The following ITPR3 variants were observed in gnomAD, a reference collection of about 807,000 sequenced individuals.
The protein encoded by ITPR3 is inositol 1,4,5-trisphosphate-gated calcium channel ITPR3.
A neutral mutation model predicts 293.2 loss-of-function variants in ITPR3; 173 were observed. The ratio of observed to expected loss-of-function variants is 0.59; its 90% CI spans 0.52 to 0.67. ITPR3 has a LOEUF of 0.67. ITPR3 is among the 30% of genes least tolerant of loss of function. The pLI is 0.00. For missense variants in ITPR3, 2,796 were observed against 3,592.1 expected, an observed-to-expected ratio of 0.78 and a Z score of 5.66; for synonymous variants, 1,295 against 1,444.4, an observed-to-expected ratio of 0.90 and a Z score of 2.35.
At chr6:33,656,443 G>A (rs1764307596) in intron 3 of ITPR3, among the ~76,000 whole-genome samples, 1 of 152,180 alleles carries the variant, frequency 6.6e-6, no homozygotes, top group Non-Finnish European at 1.5e-5. Context: ...GGGAGCCCTG[G>A]ATCTAGTCTT....
At chr6:33,622,154 C>T (rs1763453018) in intron 1 of ITPR3, among the ~76,000 whole-genome samples, 1 of 152,116 alleles carries the variant, frequency 6.6e-6, no homozygotes, top group African/African-American at 2.4e-5. Flanking sequence ...AGGGGTCGCA[C>T]CTTCTCCTCA....
At chr6:33,668,224 C>A (rs1401777699) in intron 16 of ITPR3, among the ~76,000 whole-genome samples, 1 of 152,240 alleles carries the variant, frequency 6.6e-6, no homozygotes, top group Non-Finnish European at 1.5e-5. Context: ...GTGACAAAGT[C>A]AGAACCTGTA....
rs766018174 is a variant in ITPR3 at position 33,671,240 on chromosome 6, C to T, written c.2662C>T (p.Leu888=). The part of the protein sequence containing the change: ...FSELLRLTRT[L]LGIIDCVQGP... ...CGAGCTGCTGCGGCTCACTCGCACACTGCTGGGCATCATCGACTGTGTGCA... is the reference window on the plus strand; with the variant it reads ...CGAGCTGCTGCGGCTCACTCGCACATTGCTGGGCATCATCGACTGTGTGCA... The change falls in exon 21 of 58, where the codon CTG becomes TTG. Residue 888 remains leucine, a synonymous_variant. Transcript: ENST00000605930. 1.9e-6 allele frequency: 3 copies of T among 1,613,728 alleles called. No individual in the cohort carries two copies. Among genetic ancestry groups the T allele is most frequent in the East Asian group, 4.5e-5 (2 of 44,868 alleles).
Position 33,675,628 on chromosome 6 carries a change from C to G in ITPR3, c.3117-63C>G. The G allele has an allele frequency of 1.3e-6, 2 of 1,507,590 alleles. No homozygotes were observed. Among genetic ancestry groups the G allele is most frequent in the South Asian group, 1.3e-5 (1 of 75,336 alleles). 93.4% of individuals were successfully genotyped at this position (1,507,590 alleles called of 1,614,324 possible). The stretch of plus-strand genomic sequence containing the variant: ...GTGTGCTTGTGCCAGGGCCCCTTAC[C>G]CACCACGGACAGCAGGGAGTGTGCC... On this transcript the variant is annotated intron_variant, in intron 24 of 57. Coordinates refer to ENST00000605930, the MANE Select transcript of ITPR3 (RefSeq NM_002224.4). This position sits in a 1 kb window ranked among gnomAD's most constrained non-coding sequence, Gnocchi z 5.0.
In ITPR3 at chr6:33,683,380, A is replaced by G; in HGVS notation, c.4771A>G (p.Ile1591Val). 1 of 1,577,860 alleles carries G rather than the reference A, an allele frequency of 6.3e-7. No homozygotes were observed. Among genetic ancestry groups the G allele is most frequent in the Non-Finnish European group, 8.6e-7 (1 of 1,159,276 alleles). The change falls in exon 35 of 58, where the codon ATC (isoleucine) becomes GTC (valine). Residue 1591 changes from isoleucine (I) to valine (V), a missense_variant. Physicochemically the swap from Ile to Val is conservative, Grantham distance 29. Around this residue, in one of 8 missense-constraint regions of ITPR3, gnomAD observed 704 missense variants for 797.5 expected, o/e 0.88. Coordinates refer to ENST00000605930, the MANE Select transcript of ITPR3 (RefSeq NM_002224.4). This position sits in a 1 kb window ranked among gnomAD's most constrained non-coding sequence, Gnocchi z 4.5. ...CGCCAACCAGTGGGACTACAAGAAC[A>G]TCATTGAGAAGCTGCAGGTGGGTGT... is the stretch of plus-strand genomic sequence containing the variant. ...PTANQWDYKNIIEKLQDIITA... is the reference protein window; with the variant it reads ...PTANQWDYKNVIEKLQDIITA...
At chr6:33,689,734 T>C (rs920789365) in intron 50 of ITPR3, among the ~76,000 whole-genome samples, 4 of 152,224 alleles carry the variant, frequency 2.6e-5, no homozygotes, top group Admixed American at 2.0e-4. Flanking sequence ...TCATACATAA[T>C]GACAATCTCC....
Position 33,682,396 on chromosome 6 carries a change from C to G in ITPR3, c.4477-128C>G. On this transcript the variant is annotated intron_variant, in intron 33 of 57. Coordinates refer to ENST00000605930, the MANE Select transcript of ITPR3 (RefSeq NM_002224.4). This position sits in a 1 kb window ranked among gnomAD's most constrained non-coding sequence, Gnocchi z 5.4. ...TACCTTTTTCCAACTGGCACAGAGG[C>G]ACATGGTGGCTAGTGAAGGCTCCGT... 2 of 1,085,914 alleles carry G rather than the reference C, an allele frequency of 1.8e-6. No individual in the cohort carries two copies. Among genetic ancestry groups the G allele is most frequent in the Non-Finnish European group, 2.6e-6 (2 of 780,010 alleles). 67.3% of individuals were successfully genotyped at this position (1,085,914 alleles called of 1,614,324 possible).
rs376122914 is a variant in ITPR3 at position 33,670,642 on chromosome 6, C to T, written c.2442-29C>T. The T allele has an allele frequency of 6.2e-7, 1 of 1,613,464 alleles. No individual in the cohort carries two copies. The highest frequency in any genetic ancestry group is 1.3e-5 in the African/African-American group (1 of 74,882). Reference sequence around the variant, plus strand: ...GGCTGGAGTGGGTGTATCTCGGGGACCTTCATGCCTCATGGCCTCCACCCT... The same window carrying T: ...GGCTGGAGTGGGTGTATCTCGGGGATCTTCATGCCTCATGGCCTCCACCCT... On this transcript the variant is annotated intron_variant, in intron 19 of 57. Coordinates refer to ENST00000605930, the MANE Select transcript of ITPR3 (RefSeq NM_002224.4). The surrounding 1 kb of genome is among the most constrained non-coding windows in gnomAD (Gnocchi z 6.7).
chr6:33,670,288 C>T lies in ITPR3; in HGVS notation c.2190-37C>T. The T allele has an allele frequency of 6.2e-7, 1 of 1,611,830 alleles. No individual in the cohort carries two copies. The highest frequency in any genetic ancestry group is 1.1e-5 in the South Asian group (1 of 90,998). Reference sequence around the variant, plus strand: ...CCAGTGCCAGCAGCCTCCCGGCTGCCATCTGCCGTGTCCTCACAGTCCTCC... The same window carrying T: ...CCAGTGCCAGCAGCCTCCCGGCTGCTATCTGCCGTGTCCTCACAGTCCTCC... On this transcript the variant is annotated intron_variant, in intron 18 of 57. Coordinates refer to ENST00000605930, the MANE Select transcript of ITPR3 (RefSeq NM_002224.4). The surrounding 1 kb of genome is among the most constrained non-coding windows in gnomAD (Gnocchi z 6.7).
chr6:33,690,905 C>T lies in ITPR3; in HGVS notation c.7033-12C>T, dbSNP rs773151955. ...CTCAAGGTGCCATCCCTATCTCAAC[C>T]CCATCCTGCAGCTCTTTGACCTCAT... On this transcript the variant is annotated splice_polypyrimidine_tract_variant and intron_variant, in intron 51 of 57. Transcript: ENST00000605930. 3 of 1,612,710 alleles carry T rather than the reference C, an allele frequency of 1.9e-6. No homozygotes were observed. Among genetic ancestry groups the T allele is most frequent in the Non-Finnish European group, 1.7e-6 (2 of 1,179,028 alleles).
rs368723045 is a variant in ITPR3 at position 33,687,309 on chromosome 6, C to T, written c.6159C>T (p.Ile2053=). ...GCCCACGTGAAGTGGGCCATAACAT[C>T]TATATCCTGGCGCTGCAGGTACCAG... The part of the protein sequence containing the change: ...EVSPREVGHN[I]YILALQLSRH... Residue 2053 remains isoleucine, a synonymous_variant, in exon 45 of 58, where the codon ATC becomes ATT. Coordinates refer to ENST00000605930, the MANE Select transcript of ITPR3 (RefSeq NM_002224.4). The surrounding 1 kb of genome is among the most constrained non-coding windows in gnomAD (Gnocchi z 5.3). 1.9e-4 allele frequency: 299 copies of T among 1,611,372 alleles called. No homozygotes were observed. Among genetic ancestry groups the T allele is most frequent in the Middle Eastern group, 1.5e-3 (9 of 6,052 alleles).
chr6:33,647,386 A>G (rs1764093270), intron 2 of ITPR3, among the ~76,000 whole-genome samples: 1 of 152,162 alleles, frequency 6.6e-6, no homozygotes, highest in Admixed American at 6.5e-5. Context: ...CATCTTAACC[A>G]TCGTTAAGCA....
chr6:33,690,374 CCT>C (rs1765358238), intron 51 of ITPR3, among the ~76,000 whole-genome samples, 176 bp downstream of exon 51: 1 of 152,134 alleles, frequency 6.6e-6, no homozygotes, highest in African/African-American at 2.4e-5. Context: ...CCCTCAAGGC[CCT>C]GATGGCCACT....
rs367732187 is a variant in ITPR3 at position 33,659,129 on chromosome 6, T to TG, written c.627+16dup. 8.2e-6 allele frequency: 13 copies of TG among 1,589,732 alleles called. No homozygotes were observed. Among genetic ancestry groups the TG allele is most frequent in the South Asian group, 1.1e-5 (1 of 90,484 alleles). Reference sequence around the variant, plus strand: ...CGCCGGCTGCAAGGAGGTGAGGGGGTGGGGGGTCAGCCATGCAGTGCAGGG... The same window carrying TG: ...CGCCGGCTGCAAGGAGGTGAGGGGGTGGGGGGGTCAGCCATGCAGTGCAGGG... On this transcript the variant is annotated intron_variant, in intron 6 of 57. Coordinates refer to ENST00000605930, the MANE Select transcript of ITPR3 (RefSeq NM_002224.4).
chr6:33,672,185 T>C lies in ITPR3; in HGVS notation c.2885T>C (p.Ile962Thr). Residue 962 changes from isoleucine to threonine, a missense_variant, in exon 22 of 58, where the codon ATT (isoleucine) becomes ACT (threonine). This residue lies in a region of ITPR3 where 955 missense variants were observed against 1,180.8 expected (regional missense o/e 0.81). Transcript: ENST00000605930. The surrounding 1 kb of genome is among the most constrained non-coding windows in gnomAD (Gnocchi z 5.0). The stretch of plus-strand genomic sequence containing the variant: ...AGCAAGTTTGAGGAGAATGAGGACA[T>C]TGTGGTGATGGAGACCAAGCTGAAG... ...DRSKFEENED[I>T]VVMETKLKIL... 6.2e-7 allele frequency: 1 copy of C among 1,613,864 alleles called. No homozygotes were observed. Among genetic ancestry groups the C allele is most frequent in the Non-Finnish European group, 8.5e-7 (1 of 1,179,954 alleles).
intron 1 of ITPR3, among the ~76,000 whole-genome samples, chr6:33,625,292 C>A (rs553065544): frequency 6.6e-6 from 1 of 151,614 alleles, no homozygotes; most frequent in Non-Finnish European, 1.5e-5. Flanking sequence ...TACAATGGGG[C>A]GATCTTAGTT....
In ITPR3 at chr6:33,692,637, A is replaced by G. The variant is rs1010956339; in HGVS notation, c.7459-91A>G. The G allele has an allele frequency of 1.9e-5, 26 of 1,333,822 alleles. No individual in the cohort carries two copies. Among genetic ancestry groups the G allele is most frequent in the Middle Eastern group, 4.8e-4 (2 of 4,190 alleles). 82.6% of individuals were successfully genotyped at this position (1,333,822 alleles called of 1,614,324 possible). A position where few individuals can be genotyped will look rare whatever the true frequency, so the allele number is the denominator to read the frequency against. On this transcript the variant is annotated intron_variant, in intron 54 of 57. Coordinates refer to ENST00000605930, the MANE Select transcript of ITPR3 (RefSeq NM_002224.4). This position sits in a 1 kb window ranked among gnomAD's most constrained non-coding sequence, Gnocchi z 4.2. ...CCTTCTGCTAGGGGCTGGGTCCTCA[A>G]TATCACAGCCCTGGCCCCAACCTGA... is the stretch of plus-strand genomic sequence containing the variant.
intron 30 of ITPR3, 127 bp downstream of exon 30, chr6:33,678,966 C>A: frequency 1.1e-6 from 1 of 943,948 alleles, no homozygotes; most frequent in Non-Finnish European, 1.6e-6. Context: ...AGCTGCTGAC[C>A]ATGGAGGGGA....
intron 39 of ITPR3, 110 bp downstream of exon 39, chr6:33,685,053 G>C (rs766738507): frequency 6.3e-6 from 8 of 1,273,582 alleles, no homozygotes; most frequent in Non-Finnish European, 7.6e-6. Flanking sequence ...AAAGAGGAGA[G>C]GCCTGAGCAG....
Sources: gnomAD v4.1 joint callset for allele counts (sites outside exome capture counted in the v4.1 genomes callset) on GRCh38, gnomAD v4.1.1 for gene constraint, gnomAD v4.1.1 regional missense constraint, Gnocchi (gnomAD v3.1) non-coding constraint, MANE v1.5 for transcripts, NCBI Gene and HGNC (gene_info 2026-07-23, HGNC 2026-07-21) for gene names.